The following CLIC2 variants were observed in gnomAD, a reference collection of about 807,000 sequenced individuals.
CLIC2 encodes the protein chloride intracellular channel protein 2.
In CLIC2, 9 loss-of-function variants were observed where a neutral mutation model predicts 14.8. That is an observed-to-expected ratio of 0.61 (90% CI 0.37 to 1.06). The LOEUF (loss-of-function observed/expected upper bound fraction) is 1.06, where lower values mean the gene tolerates loss of function less well. Ranked by LOEUF, CLIC2 falls within the 50% of genes least tolerant of loss-of-function variation. The pLI is 0.01. For synonymous variants in CLIC2, 61 were observed against 66.3 expected (o/e 0.92, Z 0.39); for missense variants, 148 against 181.4 (o/e 0.82, Z 1.06).
At chrX:155,298,267 C>T (rs2075001401) in intron 3 of CLIC2, among the ~76,000 whole-genome samples, 1 of 112,124 alleles carries the variant, frequency 8.9e-6, no homozygotes, top group Non-Finnish European at 1.9e-5. Flanking sequence ...ATTTGTTACA[C>T]AGCAATAGAA....
intron 1 of CLIC2, among the ~76,000 whole-genome samples, chrX:155,302,471 T>A (rs2075023754): frequency 9.4e-6 from 1 of 106,500 alleles, no homozygotes; most frequent in Admixed American, 1.0e-4. Flanking sequence ...CTTCTCTCTT[T>A]TTTTCTTTAT....
intron 5 of CLIC2, 71 bp from the exon 6 acceptor site, chrX:155,278,135 A>T (rs1252629353): frequency 2.1e-6 from 2 of 936,004 alleles, no homozygotes; most frequent in Non-Finnish European, 3.0e-6. Flanking sequence ...AATGTTTCTT[A>T]GAAGTCAAGA....
At chrX:155,320,387 G>C (rs923574980) in intron 1 of CLIC2, among the ~76,000 whole-genome samples, 4 of 112,187 alleles carry the variant, frequency 3.6e-5, no homozygotes, top group Non-Finnish European at 5.6e-5. Context: ...TTGCTGTTCT[G>C]CAGCCTCTGC....
chrX:155,328,268 A>G (rs1472428335), intron 1 of CLIC2, among the ~76,000 whole-genome samples: 1 of 110,744 alleles, frequency 9.0e-6, no homozygotes, highest in Admixed American at 9.7e-5. Flanking sequence ...AAACCTAAAC[A>G]CTCCAATGAA....
chrX:155,286,306 G>A (rs1557317076), intron 3 of CLIC2, among the ~76,000 whole-genome samples: 3 of 112,068 alleles, frequency 2.7e-5, no homozygotes, highest in Non-Finnish European at 5.6e-5. Flanking sequence ...CAAAAGACAC[G>A]ATCTCATTCT....
At chrX:155,291,975 G>A (rs1557317680) in intron 3 of CLIC2, among the ~76,000 whole-genome samples, 1 of 112,197 alleles carries the variant, frequency 8.9e-6, no homozygotes, top group African/African-American at 3.2e-5. Flanking sequence ...GCCACCCCCG[G>A]AGCGCAGTCC....
chrX:155,291,832 T>C (rs1168982485), intron 3 of CLIC2, among the ~76,000 whole-genome samples: 1 of 112,196 alleles, frequency 8.9e-6, no homozygotes, highest in Non-Finnish European at 1.9e-5. Flanking sequence ...ATTACAGATA[T>C]GTTGGGAAAG....
At chrX:155,334,337 T>C (rs781868595) in intron 1 of CLIC2, 34 bp downstream of exon 1, 51 of 1,108,753 alleles carry the variant, frequency 4.6e-5, no homozygotes, top group Non-Finnish European at 6.2e-5. Flanking sequence ...AACTAATATA[T>C]TCTACATGCA....
intron 1 of CLIC2, among the ~76,000 whole-genome samples, chrX:155,321,494 C>T (rs1557321619): frequency 8.9e-6 from 1 of 112,002 alleles, no homozygotes; most frequent in Non-Finnish European, 1.9e-5. Context: ...AAATAAAATC[C>T]TTTACAGACA....
chrX:155,278,974 A>G (rs1424480743), intron 5 of CLIC2, 175 bp downstream of exon 5: 1 of 482,257 alleles, frequency 2.1e-6, no homozygotes, highest in African/African-American at 2.4e-5. Flanking sequence ...TACTTCCCAG[A>G]AGAGAACATT....
chrX:155,279,233 G>A lies in CLIC2; in HGVS notation c.498C>T (p.Pro166=), dbSNP rs372777279. 2 of 1,207,985 alleles carry A rather than the reference G, an allele frequency of 1.7e-6. No individual in the cohort carries two copies. The highest frequency in any genetic ancestry group is 2.2e-6 in the Non-Finnish European group (2 of 892,223). Residue 166 remains proline (P), a synonymous_variant, in exon 5 of 6, where the codon CCC becomes CCT. Coordinates refer to ENST00000369449, the MANE Select transcript of CLIC2 (RefSeq NM_001289.6). ...DEIDPDSAEE[P]PVSRRLFLDG... ...CCAAGAATAGTCTTCTGGAAACTGG[G>A]GGTTCCTCAGCACTGTCTGGATCAA... is the stretch of plus-strand genomic sequence containing the variant.
chrX:155,291,300 G>A, intron 3 of CLIC2: 1 of 905,410 alleles, frequency 1.1e-6, no homozygotes, highest in Non-Finnish European at 1.6e-6. Flanking sequence ...ATTTTCAGAG[G>A]TCTGTACTTT....
intron 1 of CLIC2, among the ~76,000 whole-genome samples, chrX:155,304,709 G>GT (rs1276001682): frequency 1.0e-5 from 1 of 98,721 alleles, no homozygotes; most frequent in Non-Finnish European, 2.1e-5. Context: ...CATCTTTGTG[G>GT]TTTTATCTAC....
At chrX:155,292,287 T>A (rs2074970304) in intron 3 of CLIC2, 2 of 571,254 alleles carry the variant, frequency 3.5e-6, no homozygotes, top group Non-Finnish European at 6.4e-6. Context: ...GAGCCAAATG[T>A]CATTACTGAA....
intron 1 of CLIC2, among the ~76,000 whole-genome samples, chrX:155,314,797 G>A (rs1409486747): frequency 2.7e-5 from 3 of 111,680 alleles, no homozygotes; most frequent in Non-Finnish European, 5.6e-5. Context: ...TCAGAGAAAG[G>A]TGAACTCCAA....
intron 1 of CLIC2, among the ~76,000 whole-genome samples, chrX:155,306,218 G>A (rs2075054926): frequency 9.0e-6 from 1 of 111,511 alleles, no homozygotes; most frequent in Non-Finnish European, 1.9e-5. Flanking sequence ...CCTCATTAAT[G>A]GTTTAGCACC....
intron 1 of CLIC2, among the ~76,000 whole-genome samples, chrX:155,319,732 G>A (rs1409067832): frequency 3.6e-5 from 4 of 111,346 alleles, no homozygotes; most frequent in Non-Finnish European, 7.6e-5. Flanking sequence ...CCCTGGAAAG[G>A]GGGCTGAAGC....
intron 3 of CLIC2, chrX:155,290,437 ACTT>A (rs781909829): frequency 2.6e-5 from 13 of 501,380 alleles, no homozygotes; most frequent in African/African-American, 1.6e-4. Flanking sequence ...CTTGGGATGT[ACTT>A]CTTCTTCACA....
At position 155,279,289 on chromosome X, in the gene CLIC2, C is replaced by T; in HGVS notation, c.442G>A (p.Asp148Asn). Residue 148 changes from aspartate to asparagine, a missense_variant, in exon 5 of 6, where the codon GAC (aspartate) becomes AAC (asparagine). Physicochemically the swap from Asp to Asn is conservative, Grantham distance 23. Coordinates refer to ENST00000369449, the MANE Select transcript of CLIC2 (RefSeq NM_001289.6). The part of the protein sequence containing the change: ...SLLKEFKRLD[D>N]YLNTPLLDEI... ...TCCAGAAGTGGGGTGTTTAAGTAGT[C>T]ATCCAGACGCTTGAATTCTTTGAGC... 1 of 1,209,926 alleles carries T rather than the reference C, an allele frequency of 8.3e-7. No homozygotes were observed. Among genetic ancestry groups the T allele is most frequent in the South Asian group, 1.8e-5 (1 of 56,934 alleles).
Sources: gnomAD v4.1 joint callset for allele counts (sites outside exome capture counted in the v4.1 genomes callset) on GRCh38, gnomAD v4.1.1 for gene constraint, MANE v1.5 for transcripts, NCBI Gene and HGNC (gene_info 2026-07-23, HGNC 2026-07-21) for gene names.